THADA: variants seen among roughly 807,000 people sequenced by gnomAD.
THADA encodes the protein THADA armadillo repeat containing.
Under a neutral mutation model 219.8 loss-of-function variants are expected in THADA, and 213 were observed. The ratio of observed to expected loss-of-function variants is 0.97; its 90% CI spans 0.87 to 1.09. THADA has a LOEUF of 1.09. Ranked by LOEUF, THADA falls within the 50% of genes least tolerant of loss-of-function variation. The pLI, the probability that THADA is intolerant of heterozygous loss-of-function variation, is 0.00. For synonymous variants in THADA, 1,018 were observed against 828.9 expected, an observed-to-expected ratio of 1.23 and a Z score of -3.92; for missense variants, 2,956 against 2,311.3, an observed-to-expected ratio of 1.28 and a Z score of -5.72.
At chr2:43,490,238 T>A (rs1442683883) in intron 25 of THADA, among the ~76,000 whole-genome samples, 1 of 152,204 alleles carries the variant, frequency 6.6e-6, no homozygotes, top group African/African-American at 2.4e-5. Flanking sequence ...TGCATGTGTG[T>A]GGATTCCTTA....
At chr2:43,430,480 T>G (rs1679094627) in intron 26 of THADA, among the ~76,000 whole-genome samples, 178 bp from the exon 27 acceptor site, 1 of 152,372 alleles carries the variant, frequency 6.6e-6, no homozygotes, top group East Asian at 1.9e-4. Context: ...GTAATTCTGA[T>G]TTCTGAAGTG....
chr2:43,502,404 G>A (rs1194583740), intron 24 of THADA, among the ~76,000 whole-genome samples: 1 of 151,988 alleles, frequency 6.6e-6, no homozygotes, highest in East Asian at 1.9e-4. Context: ...GGTCAACATG[G>A]CAAAACCTCG....
chr2:43,438,009 T>C (rs1263567653), intron 26 of THADA, among the ~76,000 whole-genome samples: 1 of 151,998 alleles, frequency 6.6e-6, no homozygotes, highest in East Asian at 1.9e-4. Context: ...TGCTCAACTA[T>C]ACCAAGGGAT....
chr2:43,441,460 A>G (rs538809224), intron 26 of THADA, among the ~76,000 whole-genome samples: 2 of 152,364 alleles, frequency 1.3e-5, no homozygotes, highest in African/African-American at 2.4e-5. Context: ...CTTGTGTATT[A>G]TAAAACAGAC....
chr2:43,421,908 A>G (rs536230620), intron 28 of THADA, among the ~76,000 whole-genome samples: 2 of 152,338 alleles, frequency 1.3e-5, no homozygotes, highest in East Asian at 3.9e-4. Context: ...TCTTTGAGAG[A>G]TCGAAGGACC....
intron 26 of THADA, among the ~76,000 whole-genome samples, chr2:43,457,399 T>C (rs961575065): frequency 1.3e-5 from 2 of 152,326 alleles, no homozygotes; most frequent in South Asian, 4.1e-4. Flanking sequence ...ACCGTATTTC[T>C]CATAATTATT....
At chr2:43,458,257 G>T (rs973533878) in intron 26 of THADA, among the ~76,000 whole-genome samples, 6 of 152,140 alleles carry the variant, frequency 3.9e-5, no homozygotes. Flanking sequence ...TGACCTAAAA[G>T]ATATGACTCA....
At chr2:43,384,795 A>C (rs1206005873) in intron 29 of THADA, among the ~76,000 whole-genome samples, 1 of 152,162 alleles carries the variant, frequency 6.6e-6, no homozygotes, top group African/African-American at 2.4e-5. Flanking sequence ...GTGTGACTCT[A>C]TCTCTACAAA....
At chr2:43,367,005 C>T (rs748103866) in intron 29 of THADA, among the ~76,000 whole-genome samples, 1 of 152,136 alleles carries the variant, frequency 6.6e-6, no homozygotes, top group Non-Finnish European at 1.5e-5. Flanking sequence ...TATTATTCAG[C>T]ATTAAAAAGA....
At position 43,535,098 on chromosome 2, in the gene THADA, T is replaced by C. The variant is rs78144438; in HGVS notation, c.3264+6061A>G. 2.4e-3 allele frequency among the ~76,000 whole-genome samples: 364 copies of C among 152,098 alleles called. 1 individual carries two copies. The highest frequency in any genetic ancestry group is 8.4e-3 in the African/African-American group (348 of 41,504). On this transcript the variant is annotated intron_variant, in intron 21 of 37. Coordinates refer to ENST00000405975, the MANE Select transcript of THADA (RefSeq NM_022065.5). ...TGATTTGCATTTCCCTGATTTGTGA[T>C]GTTGAACATTTTTTCATATATTTGT...
chr2:43,242,046 C>T (rs748431713), intron 36 of THADA, among the ~76,000 whole-genome samples: 6 of 152,370 alleles, frequency 3.9e-5, no homozygotes, highest in Non-Finnish European at 8.8e-5. Context: ...ACTTAGCCTG[C>T]CGGCCTGTCC....
chr2:43,274,992 TC>T (rs1672554798), intron 36 of THADA, among the ~76,000 whole-genome samples: 2 of 125,006 alleles, frequency 1.6e-5, no homozygotes, highest in African/African-American at 3.5e-5. Context: ...TCTTTTCTTT[TC>T]TTTTCTTTTT....
At chr2:43,396,977 C>G (rs1250535617) in intron 29 of THADA, among the ~76,000 whole-genome samples, 1 of 152,062 alleles carries the variant, frequency 6.6e-6, no homozygotes, top group Non-Finnish European at 1.5e-5. Context: ...GTGTACCCGG[C>G]ACTATTCTAA....
chr2:43,574,730 TAA>T lies in THADA; in HGVS notation c.1333_1334del (p.Leu445ThrfsTer7), dbSNP rs752703851. The T allele has an allele frequency of 6.2e-7, 1 of 1,614,034 alleles. No homozygotes were observed. The highest frequency in any genetic ancestry group is 2.2e-5 in the East Asian group (1 of 44,888). ...TTCCTTTAATATGCCATTCCAATCG[TAA>T]AAGACTCTCAGTCAATTCCACAAAG... ...PFFVELTESL[L>X]RLEWHIKGKY... On this transcript the variant is annotated frameshift_variant, in exon 11 of 38. Coordinates refer to ENST00000405975, the MANE Select transcript of THADA (RefSeq NM_022065.5). LOFTEE classifies it high-confidence loss of function.
At chr2:43,527,814 AC>A (rs1693351224) in intron 22 of THADA, 64 bp downstream of exon 22, 1 of 1,121,264 alleles carries the variant, frequency 8.9e-7, no homozygotes, top group Admixed American at 2.1e-5. Context: ...ACTAAATTCT[AC>A]TCCAAGCATA....
intron 34 of THADA, among the ~76,000 whole-genome samples, chr2:43,288,372 C>T (rs552832765): frequency 6.6e-6 from 1 of 152,360 alleles, no homozygotes; most frequent in African/African-American, 2.4e-5. Context: ...GAGCCAAGAT[C>T]ATGCCACTGC....
chr2:43,457,751 A>G (rs1683192113), intron 26 of THADA, among the ~76,000 whole-genome samples: 1 of 152,140 alleles, frequency 6.6e-6, no homozygotes, highest in Non-Finnish European at 1.5e-5. Flanking sequence ...GTCCAATTCA[A>G]ATTGTTTTTG....
intron 22 of THADA, among the ~76,000 whole-genome samples, chr2:43,516,900 C>A (rs1406901207): frequency 1.3e-5 from 2 of 152,140 alleles, no homozygotes; most frequent in East Asian, 3.8e-4. Flanking sequence ...AATAAAAATT[C>A]CAAAGGGCAC....
intron 26 of THADA, among the ~76,000 whole-genome samples, chr2:43,472,322 G>C (rs774070843): frequency 1.3e-5 from 2 of 152,180 alleles, no homozygotes; most frequent in Non-Finnish European, 2.9e-5. Context: ...TTTTTCCAAA[G>C]ACATAAATGC....
Sources: gnomAD v4.1 joint callset for allele counts (sites outside exome capture counted in the v4.1 genomes callset) on GRCh38, gnomAD v4.1.1 for gene constraint, MANE v1.5 for transcripts, NCBI Gene and HGNC (gene_info 2026-07-23, HGNC 2026-07-21) for gene names.